The following ENO2 variants were observed in gnomAD, a reference collection of about 807,000 sequenced individuals.
The protein encoded by ENO2 is enolase 2.
Under a neutral mutation model 48.7 loss-of-function variants are expected in ENO2, and 19 were observed. The observed-to-expected ratio is 0.39, with a 90% CI of 0.27 to 0.57. ENO2 has a LOEUF of 0.57. ENO2 is among the 20% of genes least tolerant of loss of function. The pLI is 0.58. For synonymous variants in ENO2, 198 were observed against 213.4 expected (o/e 0.93, Z 0.63); for missense variants, 416 against 555.0 (o/e 0.75, Z 2.52).
chr12:6,915,697 C>T, intron 1 of ENO2, 124 bp from the exon 2 acceptor site: 2 of 289,596 alleles, frequency 6.9e-6, no homozygotes, highest in Non-Finnish European at 1.4e-5. Context: ...CCTCCCTACC[C>T]ACCCCCCACC....
intron 7 of ENO2, 126 bp from the exon 8 acceptor site, chr12:6,919,440 C>T: frequency 9.7e-7 from 1 of 1,036,220 alleles, no homozygotes; most frequent in Non-Finnish European, 1.4e-6. Context: ...ATAACCCCAA[C>T]AGCATCCCCG....
rs782417419 is a variant in ENO2 at position 6,918,374 on chromosome 12, G to A, written c.667+212G>A. Among the ~76,000 whole-genome samples the A allele has an allele frequency of 3.3e-3, 491 of 149,358 alleles. 2 individuals are homozygous for A. Among genetic ancestry groups the A allele is most frequent in the African/African-American group, 0.011 (430 of 40,598 alleles). On this transcript the variant is annotated intron_variant, in intron 7 of 11. Coordinates refer to ENST00000229277, the MANE Select transcript of ENO2 (RefSeq NM_001975.3). The stretch of plus-strand genomic sequence containing the variant: ...CAGTATTTTTTTTTTTTTTTGAGAC[G>A]GAGTCTTGCTCTGTCACCCAGGCTG...
Position 6,922,381 on chromosome 12 carries a change from C to G in ENO2, c.1214C>G (p.Ala405Gly), listed in dbSNP as rs1207402570. Reference sequence around the variant, plus strand: ...GCCCCGTGCCGTTCTGAACGTCTGGCTAAATACAACCAGCTCATGAGGTGA... The same window carrying G: ...GCCCCGTGCCGTTCTGAACGTCTGGGTAAATACAACCAGCTCATGAGGTGA... ...TGAPCRSERLAKYNQLMRIEE... is the reference protein window; with the variant it reads ...TGAPCRSERLGKYNQLMRIEE... Residue 405 changes from alanine (A) to glycine (G), a missense_variant, in exon 11 of 12, where the codon GCT (alanine) becomes GGT (glycine). Coordinates refer to ENST00000229277, the MANE Select transcript of ENO2 (RefSeq NM_001975.3). The surrounding 1 kb of genome is among the most constrained non-coding windows in gnomAD (Gnocchi z 5.3). 6.2e-7 allele frequency: 1 copy of G among 1,614,180 alleles called. No individual in the cohort carries two copies. The highest frequency in any genetic ancestry group is 8.5e-7 in the Non-Finnish European group (1 of 1,180,038).
At position 6,923,096 on chromosome 12, in the gene ENO2, A is replaced by ACC; in HGVS notation, c.*296_*297insCC. 1 of 370,734 alleles carries ACC rather than the reference A, an allele frequency of 2.7e-6. No homozygotes were observed. Among genetic ancestry groups the ACC allele is most frequent in the Non-Finnish European group, 5.2e-6 (1 of 193,408 alleles). The allele number at this position is 370,734 out of a possible 1,614,324, so 23.0% of individuals were successfully genotyped here. A position where few individuals can be genotyped will look rare whatever the true frequency, so the allele number is the denominator to read the frequency against. On this transcript the variant is annotated 3_prime_UTR_variant, in exon 12 of 12. Transcript: ENST00000229277. ...ATTATTATAAAAGGGGGTCCGTGGA[A>ACC]GAATGATCAGCATCTGTGATGGGAG...
chr12:6,917,068 G>T lies in ENO2; in HGVS notation c.271G>T (p.Asp91Tyr). The T allele has an allele frequency of 6.2e-7, 1 of 1,614,158 alleles. No individual in the cohort carries two copies. The highest frequency in any genetic ancestry group is 2.2e-5 in the East Asian group (1 of 44,888). Residue 91 changes from aspartate (D) to tyrosine (Y), a missense_variant, in exon 5 of 12, where the codon GAC (aspartate) becomes TAC (tyrosine). Transcript: ENST00000229277. ...GLSVVEQEKL[D>Y]NLMLELDGTE... The stretch of plus-strand genomic sequence containing the variant: ...CTCTGTGGTGGAGCAAGAGAAACTG[G>T]ACAACCTGATGCTGGAGTTGGATGG...
Position 6,919,706 on chromosome 12 carries a change from T to TA in ENO2, c.809dup (p.Tyr270Ter). The change falls in exon 8 of 12, where the codon TAC (tyrosine) becomes TAAC (stop). Residue 270 changes from tyrosine to a stop codon, truncating the protein, a stop_gained and frameshift_variant. Transcript: ENST00000229277. LOFTEE classifies it high-confidence loss of function. ...CAAGTCTCCCACTGATCCTTCCCGA[T>TA]ACATCACTGGGGACCAGCTGGGGGC... ...DFKSPTDPSRYITGDQLGALY... is the reference protein window; with the variant it reads ...DFKSPTDPSR The TA allele has an allele frequency of 6.2e-7, 1 of 1,614,090 alleles. No individual in the cohort carries two copies. Among genetic ancestry groups the TA allele is most frequent in the Non-Finnish European group, 8.5e-7 (1 of 1,180,018 alleles).
In ENO2 at chr12:6,916,583, G is replaced by A. The variant is rs1253880039; in HGVS notation, c.181+71G>A. On this transcript the variant is annotated intron_variant, in intron 3 of 11. Transcript: ENST00000229277. This position sits in a 1 kb window ranked among gnomAD's most constrained non-coding sequence, Gnocchi z 4.5. ...TGCCCCTACCTCACACCAGTCCCCAGTCCTCCTCTAGCATGGCTTCCCCTC... is the reference window on the plus strand; with the variant it reads ...TGCCCCTACCTCACACCAGTCCCCAATCCTCCTCTAGCATGGCTTCCCCTC... 2 of 1,611,214 alleles carry A rather than the reference G, an allele frequency of 1.2e-6. No individual in the cohort carries two copies. Among genetic ancestry groups the A allele is most frequent in the East Asian group, 4.5e-5 (2 of 44,878 alleles).
rs1183180048 is a variant in ENO2, at chr12:6,923,554, T to C, written c.*754T>C. 1.3e-5 allele frequency: 2 copies of C among 152,242 alleles called. No individual in the cohort carries two copies. Among genetic ancestry groups the C allele is most frequent in the East Asian group, 3.8e-4 (2 of 5,198 alleles). 9.4% of individuals were successfully genotyped at this position (152,242 alleles called of 1,614,324 possible). On this transcript the variant is annotated 3_prime_UTR_variant, in exon 12 of 12. Transcript: ENST00000229277. ...CTGTGTGCCTGGGGGAGTTTTCCTC[T>C]ATACATCTCTCCCCAACCCTAGGTT...
chr12:6,922,484 G>A lies in ENO2; in HGVS notation c.1235+82G>A, dbSNP rs1397025666. 1 of 1,559,090 alleles carries A rather than the reference G, an allele frequency of 6.4e-7. No individual in the cohort carries two copies. The highest frequency in any genetic ancestry group is 8.8e-7 in the Non-Finnish European group (1 of 1,131,324). On this transcript the variant is annotated intron_variant, in intron 11 of 11. Transcript: ENST00000229277. The surrounding 1 kb of genome is among the most constrained non-coding windows in gnomAD (Gnocchi z 5.3). ...TGCCAGACCATCTGTAGCACCAAGG[G>A]CCTGGATAACAGTCCATTTCCTGGA...
In ENO2 at chr12:6,917,607, GGT is replaced by G. The variant is rs782085881; in HGVS notation, c.342_343del (p.Leu116GlyfsTer4). ...KSKFGANAIL[G>X]VSLAVCKAGA... ...CAAGTTTGGGGCCAATGCCATCCTG[GGT>G]GTGTCTCTGGCCGTGTGTAAGGCAG... is the stretch of plus-strand genomic sequence containing the variant. On this transcript the variant is annotated frameshift_variant, in exon 6 of 12. Transcript: ENST00000229277. LOFTEE classifies it high-confidence loss of function. 6 of 1,613,550 alleles carry G rather than the reference GGT, an allele frequency of 3.7e-6. No homozygotes were observed. The highest frequency in any genetic ancestry group is 1.7e-6 in the Non-Finnish European group (2 of 1,179,718).
At position 6,917,117 on chromosome 12, in the gene ENO2, G is replaced by A; in HGVS notation, c.310+10G>A. The A allele has an allele frequency of 4.3e-6, 7 of 1,614,056 alleles. No homozygotes were observed. The highest frequency in any genetic ancestry group is 5.1e-6 in the Non-Finnish European group (6 of 1,180,014). ...GGGACTGAGAACAAATGTGAGCCGGGGCCGGGAGAAAGTGGGGAAGCGTCA... is the reference window on the plus strand; with the variant it reads ...GGGACTGAGAACAAATGTGAGCCGGAGCCGGGAGAAAGTGGGGAAGCGTCA... On this transcript the variant is annotated intron_variant, in intron 5 of 11. Transcript: ENST00000229277.
chr12:6,916,419 C>CTT lies in ENO2; in HGVS notation c.91_92dup (p.Arg32SerfsTer19). On this transcript the variant is annotated frameshift_variant, in exon 3 of 12. Transcript: ENST00000229277. LOFTEE classifies it high-confidence loss of function. This position sits in a 1 kb window ranked among gnomAD's most constrained non-coding sequence, Gnocchi z 4.5. ...CTCATTCCATGTTCCTCCTTTAGGT[C>CTT]TTTTCCGGGCTGCAGTGCCCAGTGG... 5 of 1,613,056 alleles carry CTT rather than the reference C, an allele frequency of 3.1e-6. No individual in the cohort carries two copies. The highest frequency in any genetic ancestry group is 4.2e-6 in the Non-Finnish European group (5 of 1,179,582).
rs782349310 is a variant in ENO2 at position 6,922,778 on chromosome 12, TC to T, written c.1285del (p.Arg429ValfsTer30). 6.2e-6 allele frequency: 10 copies of T among 1,614,056 alleles called. 1 individual carries two copies. Among genetic ancestry groups the T allele is most frequent in the Non-Finnish European group, 3.4e-6 (4 of 1,179,984 alleles). ...GAAGCTCGCTTTGCCGGACATAACTTCCGTAATCCCAGTGTGCTGTGATTCC... is the reference window on the plus strand; with the variant it reads ...GAAGCTCGCTTTGCCGGACATAACTTCGTAATCCCAGTGTGCTGTGATTCC... Reference protein sequence around the residue: ...GDEARFAGHNFRNPSVL With the variant: ...GDEARFAGHNXRNPSVL On this transcript the variant is annotated frameshift_variant, in exon 12 of 12. Transcript: ENST00000229277. LOFTEE classifies it high-confidence loss of function. The surrounding 1 kb of genome is among the most constrained non-coding windows in gnomAD (Gnocchi z 5.3).
At position 6,921,738 on chromosome 12, in the gene ENO2, G is replaced by A. The variant is rs1555142122; in HGVS notation, c.1023G>A (p.Leu341=). ...AAGAAAAGGCCTGCAACTGTCTGCT[G>A]CTCAAGGTCAACCAGATCGGCTCGG... is the stretch of plus-strand genomic sequence containing the variant. The part of the protein sequence containing the change: ...AVEEKACNCL[L]LKVNQIGSVT... Residue 341 remains leucine, a synonymous_variant, in exon 9 of 12, where the codon CTG becomes CTA. Transcript: ENST00000229277. 10 of 1,614,196 alleles carry A rather than the reference G, an allele frequency of 6.2e-6. No individual in the cohort carries two copies. Among genetic ancestry groups the A allele is most frequent in the Non-Finnish European group, 8.5e-6 (10 of 1,180,040 alleles).
Position 6,923,206 on chromosome 12 carries a change from A to G in ENO2, c.*406A>G. 1 of 233,562 alleles carries G rather than the reference A, an allele frequency of 4.3e-6. No individual in the cohort carries two copies. Among genetic ancestry groups the G allele is most frequent in the South Asian group, 6.3e-5 (1 of 15,826 alleles). 14.5% of individuals were successfully genotyped at this position (233,562 alleles called of 1,614,324 possible). On this transcript the variant is annotated 3_prime_UTR_variant, in exon 12 of 12. Transcript: ENST00000229277. ...TTGTCCCACGTGTCTTCCACTTTGCATATGAGCCGTGAACTGTGCATAGTG... is the reference window on the plus strand; with the variant it reads ...TTGTCCCACGTGTCTTCCACTTTGCGTATGAGCCGTGAACTGTGCATAGTG...
In ENO2 at chr12:6,918,086, G is replaced by C; in HGVS notation, c.591G>C (p.Lys197Asn). Residue 197 changes from lysine (K) to asparagine (N), a missense_variant, in exon 7 of 12, where the codon AAG becomes AAC. Lys to Asn is a moderately conservative substitution (Grantham distance 94, BLOSUM62 0). Coordinates refer to ENST00000229277, the MANE Select transcript of ENO2 (RefSeq NM_001975.3). ...EVYHTLKGVI[K>N]DKYGKDATNV... ...ACCATACACTCAAGGGAGTCATCAA[G>C]GACAAATACGGCAAGGATGCCACCA... 1 of 1,614,192 alleles carries C rather than the reference G, an allele frequency of 6.2e-7. No homozygotes were observed. The highest frequency in any genetic ancestry group is 8.5e-7 in the Non-Finnish European group (1 of 1,180,028).
chr12:6,915,053 A>C, intron 1 of ENO2, among the ~76,000 whole-genome samples: 1 of 144,708 alleles, frequency 6.9e-6, no homozygotes, highest in Admixed American at 6.9e-5. Flanking sequence ...CTTCCCTTGG[A>C]CTCCCCTCTC....
In ENO2 at chr12:6,915,812, C is replaced by G; in HGVS notation, c.-12-9C>G. 1 of 1,611,760 alleles carries G rather than the reference C, an allele frequency of 6.2e-7. No individual in the cohort carries two copies. Among genetic ancestry groups the G allele is most frequent in the Non-Finnish European group, 8.5e-7 (1 of 1,178,540 alleles). On this transcript the variant is annotated splice_polypyrimidine_tract_variant and intron_variant, in intron 1 of 11. Coordinates refer to ENST00000229277, the MANE Select transcript of ENO2 (RefSeq NM_001975.3). ...TATCTTTCTCCTTCCTTCCCTTCCA[C>G]CCGAGGAGATCCCAGCCATCATGTC...
chr12:6,916,103 G>A lies in ENO2; in HGVS notation c.85+186G>A, dbSNP rs1555141576. Among the ~76,000 whole-genome samples the A allele has an allele frequency of 2.6e-5, 4 of 152,182 alleles. No homozygotes were observed. In the South Asian group the frequency reaches 8.3e-4, roughly 32 times the overall value. ...AGCCAGGGTAGGTGGGTCTGTGTTC[G>A]AGTTTAGCGTGTGAGGCATGTCCTG... On this transcript the variant is annotated intron_variant, in intron 2 of 11. Coordinates refer to ENST00000229277, the MANE Select transcript of ENO2 (RefSeq NM_001975.3). This position sits in a 1 kb window ranked among gnomAD's most constrained non-coding sequence, Gnocchi z 4.5.
Sources: gnomAD v4.1 joint callset for allele counts (sites outside exome capture counted in the v4.1 genomes callset) on GRCh38, gnomAD v4.1.1 for gene constraint, Gnocchi (gnomAD v3.1) non-coding constraint, MANE v1.5 for transcripts, NCBI Gene and HGNC (gene_info 2026-07-23, HGNC 2026-07-21) for gene names.